DLGAP4: variants seen among roughly 807,000 people sequenced by gnomAD.
DLGAP4 encodes disks large-associated protein 4.
Under a neutral mutation model 86.9 loss-of-function variants are expected in DLGAP4, and 18 were observed. That is an observed-to-expected ratio of 0.21 (90% CI 0.14 to 0.31). The LOEUF (loss-of-function observed/expected upper bound fraction) is 0.31, where lower values mean the gene tolerates loss of function less well. Ranked by LOEUF, DLGAP4 falls within the 10% of genes least tolerant of loss-of-function variation. The pLI is 1.00. For missense variants in DLGAP4, 1,085 were observed against 1,362.6 expected, an observed-to-expected ratio of 0.80 and a Z score of 3.21; for synonymous variants, 548 against 574.3, an observed-to-expected ratio of 0.95 and a Z score of 0.65.
At chr20:36,480,384 C>T (rs889014631) in intron 7 of DLGAP4, among the ~76,000 whole-genome samples, 8 of 152,064 alleles carry the variant, frequency 5.3e-5, no homozygotes, top group African/African-American at 1.2e-4. Context: ...TTTTGTATTT[C>T]GCTGTTTGTT....
intron 10 of DLGAP4, among the ~76,000 whole-genome samples, chr20:36,506,193 T>G (rs1032203272): frequency 2.0e-5 from 3 of 152,168 alleles, no homozygotes; most frequent in Admixed American, 2.0e-4. Context: ...ACAGTAAGCC[T>G]GGGGCAGGGT....
At chr20:36,454,387 T>A (rs943848548) in intron 7 of DLGAP4, among the ~76,000 whole-genome samples, 1 of 152,160 alleles carries the variant, frequency 6.6e-6, no homozygotes, top group African/African-American at 2.4e-5. Flanking sequence ...AAATTTGTCA[T>A]AATAATTATA....
At chr20:36,415,853 G>A (rs1376950392) in intron 2 of DLGAP4, among the ~76,000 whole-genome samples, 1 of 152,166 alleles carries the variant, frequency 6.6e-6, no homozygotes. Flanking sequence ...GTGAGGCCTG[G>A]AGATGGAGGG....
intron 7 of DLGAP4, among the ~76,000 whole-genome samples, chr20:36,490,962 A>G (rs1292561678): frequency 6.6e-6 from 1 of 151,944 alleles, no homozygotes; most frequent in Admixed American, 6.6e-5. Context: ...TGGGAGGCCA[A>G]GGTGGGCGGA....
intron 1 of DLGAP4, among the ~76,000 whole-genome samples, chr20:36,349,567 G>A (rs2030074611): frequency 1.3e-5 from 2 of 152,172 alleles, no homozygotes. Context: ...AACAGCAAGT[G>A]CAAAGGCCCT....
intron 10 of DLGAP4, among the ~76,000 whole-genome samples, chr20:36,505,859 T>G (rs1267007051): frequency 1.3e-5 from 2 of 152,074 alleles, no homozygotes; most frequent in Non-Finnish European, 2.9e-5. Flanking sequence ...GTCTTCCTCC[T>G]TGTCTCCACA....
chr20:36,465,089 T>C (rs1053239692), intron 7 of DLGAP4, among the ~76,000 whole-genome samples: 1 of 152,146 alleles, frequency 6.6e-6, no homozygotes, highest in African/African-American at 2.4e-5. Flanking sequence ...TTAATAAATG[T>C]GAACTTTCCC....
At chr20:36,406,403 A>C (rs1362430248) in intron 2 of DLGAP4, among the ~76,000 whole-genome samples, 2 of 151,186 alleles carry the variant, frequency 1.3e-5, no homozygotes, top group Admixed American at 6.6e-5. Flanking sequence ...ACCTCAAAAA[A>C]AAAAAAAAAA....
chr20:36,310,101 A>C lies in DLGAP4; in HGVS notation c.-304+3589A>C, dbSNP rs1600388790. Among the ~76,000 whole-genome samples the C allele has an allele frequency of 2.6e-5, 4 of 151,598 alleles. No homozygotes were observed. The East Asian group carries it at 7.8e-4, about 30-fold the overall frequency. ...GTAATCCCAGCACTTTGGGAGGCCA[A>C]GGTGGGAGGATTCCTTGAGTCCAGG... is the stretch of plus-strand genomic sequence containing the variant. On this transcript the variant is annotated intron_variant, in intron 1 of 12. Coordinates refer to ENST00000339266, the MANE Select transcript of DLGAP4 (RefSeq NM_001365621.2).
In DLGAP4 at chr20:36,407,405, GC is replaced by G. The variant is rs1373612624; in HGVS notation, c.-72-24240del. ...CATTGTTCATCCATTCATTCACCAG[GC>G]TTTTATTTAGCACCTGCTGTATACC... On this transcript the variant is annotated intron_variant, in intron 2 of 12. Transcript: ENST00000339266. Among the ~76,000 whole-genome samples, 4 of 152,068 alleles carry G rather than the reference GC, an allele frequency of 2.6e-5. No individual in the cohort carries two copies. In the East Asian group the frequency reaches 7.7e-4, roughly 29 times the overall value.
chr20:36,326,996 CTTTTTTTT>C (rs377378667), intron 1 of DLGAP4, among the ~76,000 whole-genome samples: 2 of 99,480 alleles, frequency 2.0e-5, no homozygotes, highest in Admixed American at 1.1e-4. Flanking sequence ...AAGATTTTCT[CTTTTTTTT>C]TTTTTTTTTT....
chr20:36,422,720 A>T (rs1224183627), intron 2 of DLGAP4, among the ~76,000 whole-genome samples: 1 of 152,170 alleles, frequency 6.6e-6, no homozygotes, highest in Non-Finnish European at 1.5e-5. Flanking sequence ...TCACTCTGGC[A>T]TGTGGGGGTG....
At chr20:36,307,719 G>C (rs539813897) in intron 1 of DLGAP4, among the ~76,000 whole-genome samples, 119 of 152,162 alleles carry the variant, frequency 7.8e-4, no homozygotes, top group Middle Eastern at 6.8e-3. Context: ...GGACTGGCCT[G>C]CCCTGCCTCT....
intron 10 of DLGAP4, among the ~76,000 whole-genome samples, chr20:36,510,183 T>G (rs2036612278): frequency 1.3e-5 from 2 of 152,136 alleles, no homozygotes; most frequent in Non-Finnish European, 2.9e-5. Context: ...GATTCCATAC[T>G]TACGCAGGGG....
chr20:36,306,389 C>T lies in DLGAP4; in HGVS notation c.-427C>T, dbSNP rs1358128083. On this transcript the variant is annotated 5_prime_UTR_variant, in exon 1 of 13. Transcript: ENST00000339266. This position sits in a 1 kb window ranked among gnomAD's most constrained non-coding sequence, Gnocchi z 4.9. Reference sequence around the variant, plus strand: ...GGCCGGAGGAGAGGCATGGGGCGCCCGCGGGCCGGAGCCGGGGCGGGGGCC... The same window carrying T: ...GGCCGGAGGAGAGGCATGGGGCGCCTGCGGGCCGGAGCCGGGGCGGGGGCC... 1 of 149,526 alleles carries T rather than the reference C, an allele frequency of 6.7e-6. No individual in the cohort carries two copies. The highest frequency in any genetic ancestry group is 2.4e-5 in the African/African-American group (1 of 41,054). The allele number at this position is 149,526 out of a possible 1,614,324, so 9.3% of individuals were successfully genotyped here. A position where few individuals can be genotyped will look rare whatever the true frequency, so the allele number is the denominator to read the frequency against.
chr20:36,353,477 G>A (rs1555893600), intron 1 of DLGAP4, among the ~76,000 whole-genome samples: 1 of 152,212 alleles, frequency 6.6e-6, no homozygotes, highest in Admixed American at 6.5e-5. Flanking sequence ...CAGCCCTGGG[G>A]CCTTTTTTCT....
chr20:36,493,571 G>T (rs1378858075), intron 7 of DLGAP4, among the ~76,000 whole-genome samples: 2 of 152,176 alleles, frequency 1.3e-5, no homozygotes, highest in Non-Finnish European at 2.9e-5. Flanking sequence ...GTCAGATTTT[G>T]GTTTGTTGTG....
At chr20:36,526,104 G>T (rs758530633) in intron 12 of DLGAP4, 98 bp downstream of exon 12, 1 of 1,564,586 alleles carries the variant, frequency 6.4e-7, no homozygotes, top group African/African-American at 1.4e-5. Flanking sequence ...TCCCTTCTCC[G>T]TGTGTCGTCT....
At chr20:36,401,535 T>TC (rs2147483991) in intron 2 of DLGAP4, among the ~76,000 whole-genome samples, 1 of 152,282 alleles carries the variant, frequency 6.6e-6, no homozygotes, top group Non-Finnish European at 1.5e-5. Flanking sequence ...TTCCTGCTTC[T>TC]CCCCCAGTGC....
Sources: allele counts gnomAD v4.1 joint callset (sites outside exome capture counted in the v4.1 genomes callset), GRCh38; gene constraint gnomAD v4.1.1; non-coding constraint Gnocchi (gnomAD v3.1); transcripts MANE v1.5; gene names NCBI Gene and HGNC (gene_info 2026-07-23, HGNC 2026-07-21).